CUL5: variants seen among roughly 807,000 people sequenced by gnomAD.
The protein encoded by CUL5 is cullin-5.
Under a neutral mutation model 108.8 loss-of-function variants are expected in CUL5, and 26 were observed. The observed-to-expected ratio is 0.24, with a 90% CI of 0.18 to 0.33. The LOEUF is 0.33. Ranked by LOEUF, CUL5 falls within the 10% of genes least tolerant of loss-of-function variation. CUL5 has a pLI of 1.00. For synonymous variants in CUL5, 334 were observed against 298.0 expected (o/e 1.12, Z -1.25); for missense variants, 524 against 909.2 (o/e 0.58, Z 5.45).
intron 13 of CUL5, among the ~76,000 whole-genome samples, chr11:108,091,691 T>TCACACACACACACACA (rs1170721478): frequency 1.7e-5 from 1 of 59,764 alleles, no homozygotes; most frequent in African/African-American, 8.0e-5. Flanking sequence ...CCTGTCTCTC[T>TCACACACACACACACA]CACTCACACA....
rs1323497153 is a variant in CUL5, at chr11:108,052,717, G to A, written c.469G>A (p.Asp157Asn). ...IFSNIKNRLQDSAMKLVHAER... is the reference protein window; with the variant it reads ...IFSNIKNRLQNSAMKLVHAER... ...TTCAAACATAAAAAACAGACTCCAA[G>A]ATAGTGCAATGAAGCTGGTACATGC... The change falls in exon 5 of 19, where the codon GAT (aspartate) becomes AAT (asparagine). Residue 157 changes from aspartate (D) to asparagine (N), a missense_variant. Transcript: ENST00000393094. The A allele has an allele frequency of 6.2e-7, 1 of 1,613,538 alleles. No individual in the cohort carries two copies. Among genetic ancestry groups the A allele is most frequent in the Non-Finnish European group, 8.5e-7 (1 of 1,179,578 alleles).
chr11:108,093,928 C>T (rs548412813), intron 13 of CUL5, among the ~76,000 whole-genome samples: 14 of 152,158 alleles, frequency 9.2e-5, no homozygotes, highest in Non-Finnish European at 1.0e-4. Flanking sequence ...GTCTTAAAAT[C>T]CTGGCTTCAA....
At chr11:108,100,525 T>TA (rs1864632306) in intron 18 of CUL5, among the ~76,000 whole-genome samples, 1 of 150,430 alleles carries the variant, frequency 6.6e-6, no homozygotes, top group Non-Finnish European at 1.5e-5. Context: ...GCTTGGGCAA[T>TA]AGAGTGAGAC....
intron 8 of CUL5, among the ~76,000 whole-genome samples, chr11:108,071,118 A>T (rs923834009): frequency 1.3e-5 from 2 of 152,214 alleles, no homozygotes; most frequent in South Asian, 4.1e-4. Flanking sequence ...TTTATATTCT[A>T]ATCTCTAATA....
Position 108,097,809 on chromosome 11 carries a change from T to C in CUL5, c.2024+55T>C, listed in dbSNP as rs1270929642. 4.1e-5 allele frequency: 39 copies of C among 953,964 alleles called. No individual in the cohort carries two copies. The Admixed American group carries it at 7.9e-4, about 19-fold the overall frequency. The allele number at this position is 953,964 out of a possible 1,614,324, so 59.1% of individuals were successfully genotyped here. A position where few individuals can be genotyped will look rare whatever the true frequency, so the allele number is the denominator to read the frequency against. On this transcript the variant is annotated intron_variant, in intron 17 of 18. Transcript: ENST00000393094. ...ACACCTTGTTTGAATTTTAGCACTT[T>C]GTTTTTTGCAAAATAATTGTTTTCC...
intron 1 of CUL5, among the ~76,000 whole-genome samples, chr11:108,029,083 G>T (rs1392492050): frequency 1.3e-5 from 2 of 152,184 alleles, no homozygotes; most frequent in African/African-American, 2.4e-5. Flanking sequence ...TCTCTGCCTA[G>T]AATACCCTTT....
intron 10 of CUL5, among the ~76,000 whole-genome samples, chr11:108,074,897 C>A (rs1008550922): frequency 5.9e-5 from 9 of 152,222 alleles, no homozygotes; most frequent in Middle Eastern, 3.4e-3. Flanking sequence ...GGTGTGAAGT[C>A]TTAAATTGAG....
rs184998287 is a variant in CUL5 at position 108,018,454 on chromosome 11, G to A, written c.24+9082G>A. On this transcript the variant is annotated intron_variant, in intron 1 of 18. Transcript: ENST00000393094. ...GGCTGAGGCAGGCGGATCATGTGAG[G>A]TCAGGAGTTCAAGACCATCCTGGCC... 3.3e-4 allele frequency among the ~76,000 whole-genome samples: 50 copies of A among 152,072 alleles called. 1 individual carries two copies. In the East Asian group the frequency reaches 9.5e-3, roughly 29 times the overall value.
chr11:108,046,013 G>A (rs1863058402), intron 2 of CUL5, among the ~76,000 whole-genome samples: 1 of 152,204 alleles, frequency 6.6e-6, no homozygotes, highest in Admixed American at 6.5e-5. Flanking sequence ...GGGAGATGGA[G>A]ACATGCTTTC....
chr11:108,018,423 T>A (rs938400008), intron 1 of CUL5, among the ~76,000 whole-genome samples: 2 of 151,918 alleles, frequency 1.3e-5, no homozygotes, highest in African/African-American at 4.8e-5. Context: ...TCCCAGCACT[T>A]TGGGAGGCTG....
At position 108,098,396 on chromosome 11, in the gene CUL5, C is replaced by A; in HGVS notation, c.2025-10C>A. On this transcript the variant is annotated splice_polypyrimidine_tract_variant and intron_variant, in intron 17 of 18. Transcript: ENST00000393094. ...TCACCATAAAATACTTGATGCAATT[C>A]TTTTTGTAGAAAAAATGCAAAGGTT... 2 of 1,595,452 alleles carry A rather than the reference C, an allele frequency of 1.3e-6. No homozygotes were observed. The highest frequency in any genetic ancestry group is 8.5e-7 in the Non-Finnish European group (1 of 1,173,132).
intron 10 of CUL5, among the ~76,000 whole-genome samples, chr11:108,074,542 C>T (rs1284083683): frequency 1.3e-5 from 2 of 151,926 alleles, no homozygotes; most frequent in Non-Finnish European, 2.9e-5. Flanking sequence ...TGCAGTGGCT[C>T]ACGCCTGTAA....
intron 1 of CUL5, among the ~76,000 whole-genome samples, chr11:108,014,169 G>A (rs1040525242): frequency 6.6e-6 from 1 of 152,160 alleles, no homozygotes; most frequent in African/African-American, 2.4e-5. Context: ...AGAAAGTGTT[G>A]GAGCTGGATT....
intron 1 of CUL5, among the ~76,000 whole-genome samples, chr11:108,019,732 C>G (rs946319796): frequency 9.9e-5 from 15 of 151,904 alleles, no homozygotes; most frequent in African/African-American, 3.6e-4. Flanking sequence ...AAATTATTAT[C>G]CTAATAATAA....
At chr11:108,083,379 T>C (rs927822170) in intron 11 of CUL5, among the ~76,000 whole-genome samples, 1 of 152,224 alleles carries the variant, frequency 6.6e-6, no homozygotes, top group African/African-American at 2.4e-5. Flanking sequence ...ATATTGTACA[T>C]TGAATATTTG....
chr11:108,012,902 A>T (rs969266219), intron 1 of CUL5, among the ~76,000 whole-genome samples: 9 of 152,056 alleles, frequency 5.9e-5, no homozygotes, highest in Admixed American at 3.3e-4. Flanking sequence ...CTGCCTCCTC[A>T]TACAAACTTG....
chr11:108,057,126 C>T (rs1863400644), intron 7 of CUL5, among the ~76,000 whole-genome samples: 1 of 152,144 alleles, frequency 6.6e-6, no homozygotes, highest in Non-Finnish European at 1.5e-5. Flanking sequence ...GAACTTTCAA[C>T]TGTAAAAGGC....
chr11:108,061,556 C>T (rs1433012715), intron 7 of CUL5, among the ~76,000 whole-genome samples: 2 of 152,166 alleles, frequency 1.3e-5, no homozygotes, highest in East Asian at 1.9e-4. Flanking sequence ...CTTCCAGATT[C>T]AACAGTTATC....
At chr11:108,068,456 C>A (rs1484040839) in intron 7 of CUL5, among the ~76,000 whole-genome samples, 4 of 151,882 alleles carry the variant, frequency 2.6e-5, no homozygotes, top group South Asian at 2.1e-4. Context: ...CTCGCAGGGA[C>A]CACAGAAAAT....
Sources: allele counts gnomAD v4.1 joint callset (sites outside exome capture counted in the v4.1 genomes callset), GRCh38; gene constraint gnomAD v4.1.1; transcripts MANE v1.5; gene names NCBI Gene and HGNC (gene_info 2026-07-23, HGNC 2026-07-21).